TNXB: variants seen among roughly 807,000 people sequenced by gnomAD.
TNXB encodes the protein tenascin XB, also known as tenascin-X.
A neutral mutation model predicts 340.5 loss-of-function variants in TNXB; 183 were observed. The observed-to-expected ratio is 0.54, with a 90% CI of 0.48 to 0.61. TNXB has a LOEUF of 0.61. Among genes scored for constraint, TNXB ranks in the 20% least tolerant of loss-of-function variants. The pLI is 0.00. For synonymous variants in TNXB, 2,121 were observed against 2,314.5 expected, an observed-to-expected ratio of 0.92 and a Z score of 2.40; for missense variants, 4,613 against 5,446.4, an observed-to-expected ratio of 0.85 and a Z score of 4.82.
At chr6:32,091,299 G>A (rs751292228) in intron 4 of TNXB, among the ~76,000 whole-genome samples, 3 of 152,026 alleles carry the variant, frequency 2.0e-5, no homozygotes, top group Non-Finnish European at 1.5e-5. Flanking sequence ...TAGTAGAGAC[G>A]GGGTTTCTCC....
Position 32,046,321 on chromosome 6 carries a change from T to C in TNXB, c.10460A>G (p.Asp3487Gly), listed in dbSNP as rs374378251. 2.5e-6 allele frequency: 4 copies of C among 1,606,620 alleles called. No individual in the cohort carries two copies. The highest frequency in any genetic ancestry group is 3.4e-6 in the Non-Finnish European group (4 of 1,178,140). Residue 3487 changes from aspartate to glycine, a missense_variant, in exon 31 of 44, where the codon GAC becomes GGC. Physicochemically the swap from Asp to Gly is moderately conservative, Grantham distance 94. This residue lies in a region of TNXB where 4,327 missense variants were observed against 4,859.4 expected (regional missense o/e 0.89). Coordinates refer to ENST00000644971, the MANE Select transcript of TNXB (RefSeq NM_001365276.2). This position sits in a 1 kb window ranked among gnomAD's most constrained non-coding sequence, Gnocchi z 6.9. Reference protein sequence around the residue: ...DSFVVQYRDTDGQPRAVPVAA... With the variant: ...DSFVVQYRDTGGQPRAVPVAA... ...CACAGGCACTGCCCTGGGCTGCCCG[T>C]CCGTGTCCCTGTACTGGACCACGAA... is the stretch of plus-strand genomic sequence containing the variant.
chr6:32,101,449 T>G (rs1039594842), intron 1 of TNXB, among the ~76,000 whole-genome samples: 3 of 152,026 alleles, frequency 2.0e-5, no homozygotes, highest in Non-Finnish European at 4.4e-5. Flanking sequence ...CCACCATACT[T>G]GGCTCATTTT....
Position 32,060,327 on chromosome 6 carries a change from C to T in TNXB, c.7492+1070G>A, listed in dbSNP as rs902242687. ...AGCCTGGGCGACAAGAGCGAAACTT[C>T]ATCTCAAAAAAAAAAAAGAAGGAAA... On this transcript the variant is annotated intron_variant, in intron 21 of 43. Coordinates refer to ENST00000644971, the MANE Select transcript of TNXB (RefSeq NM_001365276.2). Among the ~76,000 whole-genome samples, 6 of 148,062 alleles carry T rather than the reference C, an allele frequency of 4.1e-5. 1 individual carries two copies. Among genetic ancestry groups the T allele is most frequent in the African/African-American group, 1.5e-4 (6 of 39,292 alleles).
Position 32,085,719 on chromosome 6 carries a change from G to T in TNXB, c.3148+31C>A. On this transcript the variant is annotated intron_variant, in intron 7 of 43. Transcript: ENST00000644971. The surrounding 1 kb of genome is among the most constrained non-coding windows in gnomAD (Gnocchi z 6.4). ...ACCCCAGCTCCTCCCCCAATCTCAG[G>T]ATATTGATCTGAGCAGAGTCCAAGA... 1 of 1,491,522 alleles carries T rather than the reference G, an allele frequency of 6.7e-7. No individual in the cohort carries two copies. Among genetic ancestry groups the T allele is most frequent in the South Asian group, 1.5e-5 (1 of 68,904 alleles). 92.4% of individuals were successfully genotyped at this position (1,491,522 alleles called of 1,614,324 possible).
rs943358537 is a variant in TNXB at position 32,084,928 on chromosome 6, G to T, written c.3149-219C>A. On this transcript the variant is annotated intron_variant, in intron 7 of 43. Coordinates refer to ENST00000644971, the MANE Select transcript of TNXB (RefSeq NM_001365276.2). This position sits in a 1 kb window ranked among gnomAD's most constrained non-coding sequence, Gnocchi z 5.5. The stretch of plus-strand genomic sequence containing the variant: ...TGACAGTTTCTCCATCCCTCACAAG[G>T]TCTTGGTCTCTCTGCACACCAGGAT... Among the ~76,000 whole-genome samples, 1 of 152,108 alleles carries T rather than the reference G, an allele frequency of 6.6e-6. No individual in the cohort carries two copies. Among genetic ancestry groups the T allele is most frequent in the Admixed American group, 6.5e-5 (1 of 15,270 alleles).
rs1778807144 is a variant in TNXB, at chr6:32,072,089, T to C, written c.4891A>G (p.Thr1631Ala). The C allele has an allele frequency of 6.2e-7, 1 of 1,612,892 alleles. No individual in the cohort carries two copies. Among genetic ancestry groups the C allele is most frequent in the Non-Finnish European group, 8.5e-7 (1 of 1,179,492 alleles). Residue 1631 changes from threonine to alanine, a missense_variant, in exon 13 of 44, where the codon ACT (threonine) becomes GCT (alanine). Thr to Ala is a moderately conservative substitution (Grantham distance 58). Around this residue, in one of 7 missense-constraint regions of TNXB, gnomAD observed 4,327 missense variants for 4,859.4 expected, o/e 0.89. Coordinates refer to ENST00000644971, the MANE Select transcript of TNXB (RefSeq NM_001365276.2). The surrounding 1 kb of genome is among the most constrained non-coding windows in gnomAD (Gnocchi z 4.4). ...VPVAADQREVTIPDLEPSRKY... is the reference protein window; with the variant it reads ...VPVAADQREVAIPDLEPSRKY... Reference sequence around the variant, plus strand: ...CGGGAGGGTTCCAGGTCAGGGATAGTGACCTCCCGCTGATCTGCAGCCACG... The same window carrying C: ...CGGGAGGGTTCCAGGTCAGGGATAGCGACCTCCCGCTGATCTGCAGCCACG...
chr6:32,097,636 T>C lies in TNXB; in HGVS notation c.403+160A>G, dbSNP rs1562879081. 4 of 1,108,944 alleles carry C rather than the reference T, an allele frequency of 3.6e-6. No individual in the cohort carries two copies. The highest frequency in any genetic ancestry group is 5.0e-6 in the Non-Finnish European group (4 of 801,734). 68.7% of individuals were successfully genotyped at this position (1,108,944 alleles called of 1,614,324 possible). ...GCCCTCGCATATGCTTTGGTTGACA[T>C]GTAGCCCAGCTCTGCTCTCCAAGTT... is the stretch of plus-strand genomic sequence containing the variant. On this transcript the variant is annotated intron_variant, in intron 2 of 43. Transcript: ENST00000644971. This position sits in a 1 kb window ranked among gnomAD's most constrained non-coding sequence, Gnocchi z 5.9.
At position 32,079,108 on chromosome 6, in the gene TNXB, G is replaced by C; in HGVS notation, c.4300C>G (p.His1434Asp). The C allele has an allele frequency of 6.2e-7, 1 of 1,613,746 alleles. No individual in the cohort carries two copies. The highest frequency in any genetic ancestry group is 8.5e-7 in the Non-Finnish European group (1 of 1,179,874). The change falls in exon 11 of 44, where the codon CAC becomes GAC. Residue 1434 changes from histidine (H) to aspartate (D), a missense_variant. By Grantham distance (81) the His-to-Asp change is moderately conservative. Coordinates refer to ENST00000644971, the MANE Select transcript of TNXB (RefSeq NM_001365276.2). This position sits in a 1 kb window ranked among gnomAD's most constrained non-coding sequence, Gnocchi z 7.1. ...CCGTACAGGTGCATCTTGTACTTGT[G>C]CCCGGGCTCTAGGCCTCCCACGGTG... ...EVTVGGLEPG[H>D]KYKMHLYGLH...
rs1777271069 is a variant in TNXB, at chr6:32,051,308, T to A, written c.9116-987A>T. On this transcript the variant is annotated intron_variant, in intron 26 of 43. Transcript: ENST00000644971. This position sits in a 1 kb window ranked among gnomAD's most constrained non-coding sequence, Gnocchi z 4.7. Reference sequence around the variant, plus strand: ...GGTCCACAGCCTGTCCCCCATGACGTTAGCCCCATTAGGACAGGAACTTTT... The same window carrying A: ...GGTCCACAGCCTGTCCCCCATGACGATAGCCCCATTAGGACAGGAACTTTT... 6.6e-6 allele frequency among the ~76,000 whole-genome samples: 1 copy of A among 152,194 alleles called. No homozygotes were observed.
At chr6:32,105,936 A>G (rs1780955209) in intron 1 of TNXB, among the ~76,000 whole-genome samples, 1 of 152,258 alleles carries the variant, frequency 6.6e-6, no homozygotes, top group Admixed American at 6.5e-5. Flanking sequence ...GGAATAAAAT[A>G]AAGCAGGAAT....
chr6:32,081,400 C>T lies in TNXB; in HGVS notation c.4010G>A (p.Arg1337His), dbSNP rs61735731. 522 of 1,544,092 alleles carry T rather than the reference C, an allele frequency of 3.4e-4. No homozygotes were observed. Among genetic ancestry groups the T allele is most frequent in the Middle Eastern group, 1.2e-3 (7 of 5,966 alleles). The change falls in exon 10 of 44, where the codon CGT (arginine) becomes CAT (histidine). Residue 1337 changes from arginine (R) to histidine (H), a missense_variant. By Grantham distance (29) the Arg-to-His change is conservative (BLOSUM62 0). Around this residue, in one of 7 missense-constraint regions of TNXB, gnomAD observed 4,327 missense variants for 4,859.4 expected, o/e 0.89. Transcript: ENST00000644971. This position sits in a 1 kb window ranked among gnomAD's most constrained non-coding sequence, Gnocchi z 5.1. Reference protein sequence around the residue: ...MNLYGLRGRQRVGPESVVAKT... With the variant: ...MNLYGLRGRQHVGPESVVAKT... ...GGCCACCACAGACTCGGGCCCCACA[C>T]GCTGCCTGCCACGAAGCCCGTAGAG...
intron 11 of TNXB, among the ~76,000 whole-genome samples, chr6:32,077,521 G>A (rs1012241869): frequency 9.9e-5 from 15 of 152,226 alleles, no homozygotes; most frequent in Non-Finnish European, 1.5e-4. Flanking sequence ...AAGGAAAAAA[G>A]AGATTCCCCT....
chr6:32,079,498 C>T lies in TNXB; in HGVS notation c.4043-133G>A, dbSNP rs554744972. 2.5e-5 allele frequency: 19 copies of T among 774,038 alleles called. 1 individual carries two copies. Among genetic ancestry groups the T allele is most frequent in the South Asian group, 1.8e-4 (9 of 51,142 alleles). The allele number at this position is 774,038 out of a possible 1,614,324, so 47.9% of individuals were successfully genotyped here. A position where few individuals can be genotyped will look rare whatever the true frequency, so the allele number is the denominator to read the frequency against. ...TTTGTATTTGCCATTCGGTCACTCACGGATGGAGAAGGCTGAGACAGCCCT... is the reference window on the plus strand; with the variant it reads ...TTTGTATTTGCCATTCGGTCACTCATGGATGGAGAAGGCTGAGACAGCCCT... On this transcript the variant is annotated intron_variant, in intron 10 of 43. Transcript: ENST00000644971. This position sits in a 1 kb window ranked among gnomAD's most constrained non-coding sequence, Gnocchi z 7.1.
In TNXB at chr6:32,067,650, T is replaced by C. The variant is rs9469080; in HGVS notation, c.6544+11A>G. ...AGACCCAACCCAGAGGGCTCTGCAG[T>C]GCACACTCACCCGTGACGCCCACAG... On this transcript the variant is annotated intron_variant, in intron 18 of 43. Coordinates refer to ENST00000644971, the MANE Select transcript of TNXB (RefSeq NM_001365276.2). This position sits in a 1 kb window ranked among gnomAD's most constrained non-coding sequence, Gnocchi z 4.2. 0.11 allele frequency: 184,887 copies of C among 1,611,500 alleles called. 15,046 individuals are homozygous for C. Among genetic ancestry groups the C allele is most frequent in the South Asian group, 0.34 (30,964 of 90,958 alleles).
chr6:32,106,471 G>A (rs1034779458), intron 1 of TNXB, among the ~76,000 whole-genome samples: 9 of 152,028 alleles, frequency 5.9e-5, no homozygotes, highest in African/African-American at 2.2e-4. Context: ...TGTGTCACTG[G>A]TAGGCGGAGG....
intron 1 of TNXB, among the ~76,000 whole-genome samples, chr6:32,101,328 C>T (rs1300181124): frequency 1.3e-5 from 2 of 152,030 alleles, no homozygotes; most frequent in Non-Finnish European, 2.9e-5. Context: ...CTTGCTCTTT[C>T]GCCCAGGCTG....
In TNXB at chr6:32,061,857, T is replaced by G. The variant is rs1582387638; in HGVS notation, c.7169-137A>C. 7.9e-7 allele frequency: 1 copy of G among 1,265,372 alleles called. No homozygotes were observed. Among genetic ancestry groups the G allele is most frequent in the East Asian group, 2.5e-5 (1 of 39,908 alleles). The allele number at this position is 1,265,372 out of a possible 1,614,324, so 78.4% of individuals were successfully genotyped here. A position where few individuals can be genotyped will look rare whatever the true frequency, so the allele number is the denominator to read the frequency against. On this transcript the variant is annotated intron_variant, in intron 20 of 43. Transcript: ENST00000644971. This position sits in a 1 kb window ranked among gnomAD's most constrained non-coding sequence, Gnocchi z 4.4. ...TATGACTAGGGGACCTGAGGTCAGT[T>G]CAGAGAGGCCCATTCTTGGGGTCCT...
In TNXB at chr6:32,072,784, T is replaced by C. The variant is rs955632058; in HGVS notation, c.4682-486A>G. ...GGCCAACATGGCGAAACCCTGTTTCTACTAAAAATACAAAAAATTAGCTGG... is the reference window on the plus strand; with the variant it reads ...GGCCAACATGGCGAAACCCTGTTTCCACTAAAAATACAAAAAATTAGCTGG... On this transcript the variant is annotated intron_variant, in intron 12 of 43. Transcript: ENST00000644971. This position sits in a 1 kb window ranked among gnomAD's most constrained non-coding sequence, Gnocchi z 4.4. 2.0e-5 allele frequency among the ~76,000 whole-genome samples: 3 copies of C among 152,214 alleles called. No individual in the cohort carries two copies. Among genetic ancestry groups the C allele is most frequent in the African/African-American group, 7.2e-5 (3 of 41,456 alleles).
At chr6:32,050,467 C>A (rs1022763401) in intron 26 of TNXB, 146 bp from the exon 27 acceptor site, 4 of 1,122,230 alleles carry the variant, frequency 3.6e-6, no homozygotes, top group African/African-American at 3.1e-5. Context: ...TCCTCCCCTG[C>A]GGCCTTTCCT....
Sources: allele counts gnomAD v4.1 joint callset (sites outside exome capture counted in the v4.1 genomes callset), GRCh38; gene constraint gnomAD v4.1.1; regional missense constraint gnomAD v4.1.1; non-coding constraint Gnocchi (gnomAD v3.1); transcripts MANE v1.5; gene names NCBI Gene and HGNC (gene_info 2026-07-23, HGNC 2026-07-21).